Variants in LILRA1 observed in about 807,000 individuals in gnomAD.
LILRA1 encodes the protein leukocyte immunoglobulin like receptor A1, also known as leukocyte immunoglobulin-like receptor subfamily A member 1.
In LILRA1, 51 loss-of-function variants were observed where a neutral mutation model predicts 51.6. The ratio of observed to expected loss-of-function variants is 0.99; its 90% CI spans 0.79 to 1.25. The LOEUF (loss-of-function observed/expected upper bound fraction) is 1.25. Among genes scored for constraint, LILRA1 ranks in the 50% most tolerant of loss-of-function variants. The pLI, the probability that LILRA1 is intolerant of heterozygous loss-of-function variation, is 0.00. For missense variants in LILRA1, 660 were observed against 611.7 expected (o/e 1.08, Z -0.83); for synonymous variants, 305 against 248.4 (o/e 1.23, Z -2.14).
intron 6 of LILRA1, 46 bp from the exon 7 acceptor site, chr19:54,596,143 T>C (rs1208987116): frequency 8.8e-6 from 14 of 1,593,236 alleles, no homozygotes; most frequent in Middle Eastern, 1.7e-4. Context: ...AGGCGTCAGC[T>C]CAGAACAAGG....
intron 8 of LILRA1, chr19:54,599,752 T>C (rs1249915275): frequency 7.1e-6 from 3 of 423,896 alleles, no homozygotes; most frequent in Non-Finnish European, 9.9e-6. Flanking sequence ...AAGATACTTT[T>C]GAATATGTGT....
Position 54,594,688 on chromosome 19 carries a change from T to G in LILRA1, c.94T>G (p.Trp32Gly), listed in dbSNP as rs746376728. Residue 32 changes from tryptophan (W) to glycine (G), a missense_variant, in exon 4 of 10, where the codon TGG becomes GGG. Coordinates refer to ENST00000251372, the MANE Select transcript of LILRA1 (RefSeq NM_006863.4). ...AGGGACCCTCCCCAAGCCCACACTC[T>G]GGGCTGAGCCAGGCTCTGTGATCAC... ...QAGTLPKPTL[W>G]AEPGSVITQG... 7 of 1,613,420 alleles carry G rather than the reference T, an allele frequency of 4.3e-6. No homozygotes were observed. Among genetic ancestry groups the G allele is most frequent in the Non-Finnish European group, 2.5e-6 (3 of 1,179,690 alleles).
Position 54,594,690 on chromosome 19 carries a change from GGC to G in LILRA1, c.97_98del (p.Ala33Ter). The G allele has an allele frequency of 6.2e-7, 1 of 1,613,452 alleles. No homozygotes were observed. The highest frequency in any genetic ancestry group is 2.2e-5 in the East Asian group (1 of 44,880). ...GGACCCTCCCCAAGCCCACACTCTG[GGC>G]TGAGCCAGGCTCTGTGATCACCCAG... ...AGTLPKPTLW[A>X]EPGSVITQGS... is the part of the protein sequence containing the mutation. On this transcript the variant is annotated frameshift_variant, in exon 4 of 10. Coordinates refer to ENST00000251372, the MANE Select transcript of LILRA1 (RefSeq NM_006863.4). LOFTEE classifies it high-confidence loss of function.
intron 5 of LILRA1, 101 bp downstream of exon 5, chr19:54,595,503 G>T: frequency 1.9e-6 from 3 of 1,541,164 alleles, no homozygotes; most frequent in South Asian, 1.3e-5. Flanking sequence ...GTGGGATGAT[G>T]TTGGGGCGAG....
chr19:54,594,441 G>A lies in LILRA1; in HGVS notation c.35G>A (p.Arg12Lys). 1.2e-6 allele frequency: 2 copies of A among 1,614,188 alleles called. No individual in the cohort carries two copies. The highest frequency in any genetic ancestry group is 1.7e-6 in the Non-Finnish European group (2 of 1,180,016). ...TTCCTCACAGGGAACTCTCTTCCAG[G>A]GCTGAGTCTGGGCCCCCGGACCCAC... The part of the protein sequence containing the change: ...TPIVTVLICL[R>K]LSLGPRTHVQ... The change falls in exon 3 of 10, where the codon AGG (arginine) becomes AAG (lysine). Residue 12 changes from arginine (R) to lysine (K), a missense_variant and splice_region_variant. Physicochemically the swap from Arg to Lys is conservative, Grantham distance 26. Transcript: ENST00000251372.
chr19:54,599,424 A>G (rs1295145254), intron 8 of LILRA1, 138 bp downstream of exon 8: 1 of 1,334,584 alleles, frequency 7.5e-7, no homozygotes, highest in African/African-American at 1.5e-5. Flanking sequence ...ACCTTTAATG[A>G]TTTATAAGTG....
chr19:54,599,109 A>T, intron 7 of LILRA1, 127 bp from the exon 8 acceptor site: 1 of 1,175,002 alleles, frequency 8.5e-7, no homozygotes, highest in Non-Finnish European at 1.1e-6. Context: ...ATAATTTTTT[A>T]AATGTCTACC....
intron 7 of LILRA1, 70 bp from the exon 8 acceptor site, chr19:54,599,166 T>C: frequency 7.0e-7 from 1 of 1,422,934 alleles, no homozygotes; most frequent in South Asian, 1.2e-5. Flanking sequence ...AAGTTATACA[T>C]AATCTTATAT....
intron 7 of LILRA1, 71 bp from the exon 8 acceptor site, chr19:54,599,165 A>G: frequency 3.5e-6 from 5 of 1,421,842 alleles, no homozygotes; most frequent in African/African-American, 1.5e-5. Context: ...TAAGTTATAC[A>G]TAATCTTATA....
At position 54,594,958 on chromosome 19, in the gene LILRA1, C is replaced by T; in HGVS notation, c.358+6C>T. ...CCTGGAGCTGGTGGTGACAGGTGAGCTGACACTGAGGGCTCCCAGCCCCAG... is the reference window on the plus strand; with the variant it reads ...CCTGGAGCTGGTGGTGACAGGTGAGTTGACACTGAGGGCTCCCAGCCCCAG... On this transcript the variant is annotated splice_donor_region_variant and intron_variant, in intron 4 of 9. Coordinates refer to ENST00000251372, the MANE Select transcript of LILRA1 (RefSeq NM_006863.4). 6.2e-7 allele frequency: 1 copy of T among 1,613,658 alleles called. No homozygotes were observed. Among genetic ancestry groups the T allele is most frequent in the Non-Finnish European group, 8.5e-7 (1 of 1,179,756 alleles).
chr19:54,595,929 A>G lies in LILRA1; in HGVS notation c.952A>G (p.Ile318Val). 1 of 1,612,640 alleles carries G rather than the reference A, an allele frequency of 6.2e-7. No homozygotes were observed. Among genetic ancestry groups the G allele is most frequent in the South Asian group, 1.1e-5 (1 of 91,020 alleles). ...CCCCAGCGACCCCCTGGACATCCTGATCGCAGGTGAGGAGCCCAGCGGGTT... is the reference window on the plus strand; with the variant it reads ...CCCCAGCGACCCCCTGGACATCCTGGTCGCAGGTGAGGAGCCCAGCGGGTT... ...SAPSDPLDIL[I>V]AGQFRGRPFI... Residue 318 changes from isoleucine (I) to valine (V), a missense_variant, in exon 6 of 10, where the codon ATC becomes GTC. By Grantham distance (29) the Ile-to-Val change is conservative. Transcript: ENST00000251372.
chr19:54,597,865 C>G (rs1326038425), intron 7 of LILRA1, among the ~76,000 whole-genome samples: 2 of 151,302 alleles, frequency 1.3e-5, no homozygotes, highest in Non-Finnish European at 2.9e-5. Context: ...AATTCCCTAA[C>G]TTGCCAGGGA....
intron 8 of LILRA1, among the ~76,000 whole-genome samples, chr19:54,600,223 G>A (rs1342405338): frequency 6.6e-6 from 1 of 152,142 alleles, no homozygotes; most frequent in East Asian, 1.9e-4. Flanking sequence ...GTCCCTGGCT[G>A]CACAGACAGC....
At position 54,599,274 on chromosome 19, in the gene LILRA1, G is replaced by A. The variant is rs759386874; in HGVS notation, c.1300G>A (p.Asp434Asn). 64 of 1,570,918 alleles carry A rather than the reference G, an allele frequency of 4.1e-5. No individual in the cohort carries two copies. The highest frequency in any genetic ancestry group is 1.7e-4 in the Middle Eastern group (1 of 5,804). ...ETLSPPQNKSDSKAGAANTLS... is the reference protein window; with the variant it reads ...ETLSPPQNKSNSKAGAANTLS... Reference sequence around the variant, plus strand: ...CCTCAGCCCACCACAAAACAAGTCCGATTCCAAGGCTGGTGAGTGAGGAGA... The same window carrying A: ...CCTCAGCCCACCACAAAACAAGTCCAATTCCAAGGCTGGTGAGTGAGGAGA... Residue 434 changes from aspartate to asparagine, a missense_variant, in exon 8 of 10, where the codon GAT becomes AAT. Transcript: ENST00000251372.
Position 54,602,372 on chromosome 19 carries a change from A to G in LILRA1, c.*1555A>G, listed in dbSNP as rs1372130131. ...CTACCCTCTAGAATAAAGAAATCTT[A>G]TTAAGGACATTTTCAAAGCCTTAAC... On this transcript the variant is annotated 3_prime_UTR_variant, in exon 10 of 10. Coordinates refer to ENST00000251372, the MANE Select transcript of LILRA1 (RefSeq NM_006863.4). Among the ~76,000 whole-genome samples, 4 of 152,236 alleles carry G rather than the reference A, an allele frequency of 2.6e-5. No homozygotes were observed. Among genetic ancestry groups the G allele is most frequent in the Non-Finnish European group, 5.9e-5 (4 of 68,048 alleles).
In LILRA1 at chr19:54,595,288, T is replaced by C. The variant is rs200049292; in HGVS notation, c.547T>C (p.Ser183Pro). ...RTHGWSRAIF[S>P]VGPVSPSRRW... ...CCATGGGTGGTCCCGGGCCATCTTC[T>C]CTGTGGGCCCCGTGAGCCCGAGTCG... is the stretch of plus-strand genomic sequence containing the variant. Residue 183 changes from serine (S) to proline (P), a missense_variant, in exon 5 of 10, where the codon TCT becomes CCT. By Grantham distance (74) the Ser-to-Pro change is moderately conservative (BLOSUM62 -1). Coordinates refer to ENST00000251372, the MANE Select transcript of LILRA1 (RefSeq NM_006863.4). 1 of 1,614,076 alleles carries C rather than the reference T, an allele frequency of 6.2e-7. No homozygotes were observed. The highest frequency in any genetic ancestry group is 8.5e-7 in the Non-Finnish European group (1 of 1,179,952).
Position 54,596,325 on chromosome 19 carries a change from C to T in LILRA1, c.1095C>T (p.Ala365=), listed in dbSNP as rs762247710. ...TGACCAAGGCGGGAGCAGCTGATGC[C>T]CCCCTCCGTCTCAGATCAATACACG... The part of the protein sequence containing the change: ...FLLTKAGAAD[A]PLRLRSIHEY... Residue 365 remains alanine, a synonymous_variant, in exon 7 of 10, where the codon GCC becomes GCT. Transcript: ENST00000251372. 4 of 1,614,086 alleles carry T rather than the reference C, an allele frequency of 2.5e-6. No individual in the cohort carries two copies. Among genetic ancestry groups the T allele is most frequent in the South Asian group, 1.1e-5 (1 of 91,076 alleles).
chr19:54,594,235 A>G lies in LILRA1; in HGVS notation c.-10A>G. 3 of 1,612,898 alleles carry G rather than the reference A, an allele frequency of 1.9e-6. No homozygotes were observed. The highest frequency in any genetic ancestry group is 2.5e-6 in the Non-Finnish European group (3 of 1,179,558). On this transcript the variant is annotated 5_prime_UTR_variant, in exon 2 of 10. Transcript: ENST00000251372. The stretch of plus-strand genomic sequence containing the variant: ...TCCATCCGCAGAGCAGGGCAGTGGG[A>G]GGAGACGCTATGACCCCCATCGTCA...
In LILRA1 at chr19:54,599,230, T is replaced by C. The variant is rs1413765753; in HGVS notation, c.1262-6T>C. The C allele has an allele frequency of 2.6e-6, 4 of 1,567,244 alleles. No homozygotes were observed. The highest frequency in any genetic ancestry group is 3.5e-6 in the Non-Finnish European group (4 of 1,151,408). On this transcript the variant is annotated splice_polypyrimidine_tract_variant and splice_region_variant and intron_variant, in intron 7 of 9. Transcript: ENST00000251372. ...TATGTCTCTTCTCCTCTGTTTTGAT[T>C]CTCAGGAGCAGCTGAGACCCTCAGC...
Sources: allele counts gnomAD v4.1 joint callset (sites outside exome capture counted in the v4.1 genomes callset), GRCh38; gene constraint gnomAD v4.1.1; transcripts MANE v1.5; gene names NCBI Gene and HGNC (gene_info 2026-07-23, HGNC 2026-07-21).